Variants in KAZN observed in about 807,000 individuals in gnomAD.
KAZN encodes the protein kazrin.
Under a neutral mutation model 87.4 loss-of-function variants are expected in KAZN, and 40 were observed. The observed-to-expected ratio is 0.46, with a 90% CI of 0.36 to 0.60. The LOEUF is 0.60. Ranked by LOEUF, KAZN falls within the 20% of genes least tolerant of loss-of-function variation. The pLI is 0.00. For missense variants in KAZN, 898 were observed against 1,073.9 expected, an observed-to-expected ratio of 0.84 and a Z score of 2.29; for synonymous variants, 466 against 458.3, an observed-to-expected ratio of 1.02 and a Z score of -0.22.
intron 1 of KAZN, among the ~76,000 whole-genome samples, chr1:14,850,449 T>C (rs1420346837): frequency 6.6e-6 from 1 of 152,176 alleles, no homozygotes; most frequent in Non-Finnish European, 1.5e-5. Flanking sequence ...AGGAGGCTTA[T>C]ACGGCTAACA....
At chr1:14,067,931 C>T (rs1261661592) in intron 1 of KAZN, among the ~76,000 whole-genome samples, 1 of 152,200 alleles carries the variant, frequency 6.6e-6, no homozygotes, top group South Asian at 2.1e-4. Flanking sequence ...GAGAGGTTTT[C>T]ATTCATTAGT....
chr1:14,214,810 A>T (rs925027120), intron 2 of KAZN, among the ~76,000 whole-genome samples: 4 of 152,186 alleles, frequency 2.6e-5, no homozygotes, highest in Admixed American at 6.5e-5. Flanking sequence ...TTAGTCTGTG[A>T]GCACAATTGC....
chr1:14,305,155 C>T (rs1170561766), intron 2 of KAZN, among the ~76,000 whole-genome samples: 1 of 152,074 alleles, frequency 6.6e-6, no homozygotes, highest in Non-Finnish European at 1.5e-5. Flanking sequence ...GCATTCCTAG[C>T]TAGAAAATAG....
At chr1:14,185,607 C>T (rs1209401665) in intron 2 of KAZN, among the ~76,000 whole-genome samples, 1 of 152,174 alleles carries the variant, frequency 6.6e-6, no homozygotes, top group African/African-American at 2.4e-5. Flanking sequence ...TACAAGCCCT[C>T]TTTCCATACT....
chr1:14,281,850 C>G (rs1652862202), intron 2 of KAZN, among the ~76,000 whole-genome samples: 1 of 152,212 alleles, frequency 6.6e-6, no homozygotes. Context: ...GTCCAGAAAA[C>G]AGTTTCCACG....
intron 1 of KAZN, among the ~76,000 whole-genome samples, chr1:13,967,044 C>G (rs1641971960): frequency 6.6e-6 from 1 of 152,142 alleles, no homozygotes; most frequent in African/African-American, 2.4e-5. Context: ...TTCTTAAAGG[C>G]AGGAGTCAGG....
chr1:15,027,861 G>A (rs986227564), intron 2 of KAZN, among the ~76,000 whole-genome samples: 3 of 152,174 alleles, frequency 2.0e-5, no homozygotes, highest in African/African-American at 4.8e-5. Context: ...ACGGAGTCTC[G>A]CTCCGTCCTG....
chr1:15,007,081 A>G (rs558906682), intron 2 of KAZN, among the ~76,000 whole-genome samples: 137 of 146,126 alleles, frequency 9.4e-4, no homozygotes, highest in African/African-American at 3.3e-3. Flanking sequence ...AAAAAAAGAA[A>G]AACAGAAAAT....
intron 1 of KAZN, among the ~76,000 whole-genome samples, chr1:14,020,126 G>A (rs1640757496): frequency 6.6e-6 from 1 of 151,978 alleles, no homozygotes; most frequent in Non-Finnish European, 1.5e-5. Flanking sequence ...ATTCACAGTA[G>A]GATTTGCACT....
intron 2 of KAZN, among the ~76,000 whole-genome samples, chr1:14,287,345 G>A (rs1314680148): frequency 6.6e-6 from 1 of 152,136 alleles, no homozygotes. Flanking sequence ...TCTGACCAGT[G>A]AGGCCACAGC....
At chr1:14,633,031 C>T (rs539304241) in intron 1 of KAZN, among the ~76,000 whole-genome samples, 111 of 152,208 alleles carry the variant, frequency 7.3e-4, no homozygotes, top group African/African-American at 2.6e-3. Flanking sequence ...ATTCCCCTGC[C>T]TCAGCCTCCT....
chr1:14,826,967 G>C (rs1313559036), intron 1 of KAZN, among the ~76,000 whole-genome samples: 1 of 152,204 alleles, frequency 6.6e-6, no homozygotes, highest in South Asian at 2.1e-4. Flanking sequence ...CCGAGTCCCA[G>C]TGTCTGTGTT....
chr1:14,760,807 A>G (rs886158861), intron 1 of KAZN, among the ~76,000 whole-genome samples: 1 of 152,170 alleles, frequency 6.6e-6, no homozygotes, highest in African/African-American at 2.4e-5. Flanking sequence ...AATAAAACCC[A>G]AACTTCCTAA....
chr1:14,377,746 T>TA (rs945395437), intron 2 of KAZN, among the ~76,000 whole-genome samples: 122 of 152,314 alleles, frequency 8.0e-4, no homozygotes, highest in African/African-American at 2.7e-3. Context: ...CCCAGGCATA[T>TA]AGTGATGACC....
At chr1:14,556,619 A>G (rs1163176855) in intron 2 of KAZN, among the ~76,000 whole-genome samples, 1 of 151,958 alleles carries the variant, frequency 6.6e-6, no homozygotes, top group Non-Finnish European at 1.5e-5. Context: ...TTCAGTTTGT[A>G]TTCTGTTTTA....
chr1:14,460,704 A>T (rs2148348746), intron 2 of KAZN, among the ~76,000 whole-genome samples: 1 of 152,346 alleles, frequency 6.6e-6, no homozygotes. Flanking sequence ...GAAGATAAGG[A>T]GTCCCTTCCT....
rs1432776240 is a variant in KAZN at position 14,464,728 on chromosome 1, A to G, written c.250-134255A>G. Among the ~76,000 whole-genome samples, 9 of 152,000 alleles carry G rather than the reference A, an allele frequency of 5.9e-5. No individual in the cohort carries two copies. The South Asian group carries it at 1.9e-3, about 32-fold the overall frequency. ...TAATTTTTTTGTATTTTTAGTAGAG[A>G]CAGGGTTTCACCATATTGATCAGGC... On this transcript the variant is annotated intron_variant, in intron 2 of 16. Transcript: ENST00000636203.
chr1:14,125,984 C>T (rs575890133), intron 1 of KAZN, among the ~76,000 whole-genome samples: 15 of 151,436 alleles, frequency 9.9e-5, no homozygotes, highest in Middle Eastern at 6.8e-3. Context: ...GTGGGAGTTG[C>T]GGGCAGCTCT....
chr1:15,117,614 G>A lies in KAZN; in HGVS notation c.*2979G>A, dbSNP rs1641887242. ...CCAAAAGCTTGACGTCACTGAACAG[G>A]GCTGGGTACTGGCAGAACAGGAAGA... On this transcript the variant is annotated 3_prime_UTR_variant, in exon 15 of 15. Coordinates refer to ENST00000376030, the MANE Select transcript of KAZN (RefSeq NM_201628.3). 6.6e-6 allele frequency: 1 copy of A among 152,438 alleles called. No individual in the cohort carries two copies. Among genetic ancestry groups the A allele is most frequent in the Admixed American group, 6.5e-5 (1 of 15,280 alleles). The allele number at this position is 152,438 out of a possible 1,614,324, so 9.4% of individuals were successfully genotyped here. A position where few individuals can be genotyped will look rare whatever the true frequency, so the allele number is the denominator to read the frequency against.
Sources: allele counts gnomAD v4.1 joint callset (sites outside exome capture counted in the v4.1 genomes callset), GRCh38; gene constraint gnomAD v4.1.1; transcripts MANE v1.5; gene names NCBI Gene and HGNC (gene_info 2026-07-23, HGNC 2026-07-21).